Variants in DYNC2H1 observed in about 807,000 individuals in gnomAD.
The protein encoded by DYNC2H1 is dynein cytoplasmic 2 heavy chain 1, also known as cytoplasmic dynein 2 heavy chain 1.
A neutral mutation model predicts 570.0 loss-of-function variants in DYNC2H1; 410 were observed. That is an observed-to-expected ratio of 0.72 (90% CI 0.66 to 0.78). DYNC2H1 has a LOEUF of 0.78. DYNC2H1 is among the 30% of genes least tolerant of loss of function. DYNC2H1 has a pLI of 0.00. For synonymous variants in DYNC2H1, 1,688 were observed against 1,677.6 expected, an observed-to-expected ratio of 1.01 and a Z score of -0.15; for missense variants, 4,865 against 5,046.4, an observed-to-expected ratio of 0.96 and a Z score of 1.09.
At chr11:103,377,556 T>C (rs12287972) in intron 83 of DYNC2H1, among the ~76,000 whole-genome samples, 5,365 of 152,248 alleles carry the variant, frequency 0.035, 310 homozygotes, top group African/African-American at 0.12. Context: ...GGTGGAAAAC[T>C]AACCATTTAG....
At chr11:103,361,921 G>A (rs1005987898) in intron 83 of DYNC2H1, among the ~76,000 whole-genome samples, 1 of 152,146 alleles carries the variant, frequency 6.6e-6, no homozygotes, top group Non-Finnish European at 1.5e-5. Context: ...ATTGACCACT[G>A]GATATTCAGA....
At chr11:103,141,676 G>A (rs957182138) in intron 17 of DYNC2H1, among the ~76,000 whole-genome samples, 6 of 152,216 alleles carry the variant, frequency 3.9e-5, no homozygotes, top group African/African-American at 1.4e-4. Flanking sequence ...GGACCCACTT[G>A]AGGAGGCAGT....
chr11:103,422,719 A>AT (rs1943530405), intron 84 of DYNC2H1, among the ~76,000 whole-genome samples: 2 of 152,172 alleles, frequency 1.3e-5, no homozygotes, highest in Non-Finnish European at 2.9e-5. Context: ...TGACAAACCC[A>AT]TAGTGATGTA....
chr11:103,332,019 C>T (rs1204154252), intron 82 of DYNC2H1, among the ~76,000 whole-genome samples: 2 of 151,412 alleles, frequency 1.3e-5, no homozygotes, highest in Admixed American at 1.3e-4. Context: ...GAGATCGTGC[C>T]ACTGCACTCC....
Position 103,479,105 on chromosome 11 carries a change from G to T in DYNC2H1, c.12776G>T (p.Gly4259Val), listed in dbSNP as rs368203507. ...TTATTTTTTAAACAGGATGCATGTG[G>T]TCCATATTCTCCGGATGAGTGCATC... Reference protein sequence around the residue: ...FMGWIPQDACGPYSPDECISL... With the variant: ...FMGWIPQDACVPYSPDECISL... The change falls in exon 89 of 89, where the codon GGT (glycine) becomes GTT (valine). Residue 4259 changes from glycine to valine, a missense_variant. Around this residue, in one of 5 missense-constraint regions of DYNC2H1, gnomAD observed 2,401 missense variants for 2,454.6 expected, o/e 0.98. Transcript: ENST00000375735. 1.6e-5 allele frequency: 26 copies of T among 1,613,422 alleles called. No homozygotes were observed. The African/African-American group carries it at 3.5e-4, about 22-fold the overall frequency.
rs1021446274 is a variant in DYNC2H1, at chr11:103,155,601, G to A, written c.3744+100G>A. On this transcript the variant is annotated intron_variant, in intron 25 of 88. Transcript: ENST00000375735. ...AATACAAAAAAAGTCTTCCTTTAAGGGAATCAGCTTTCATCAAAAAGTAAA... is the reference window on the plus strand; with the variant it reads ...AATACAAAAAAAGTCTTCCTTTAAGAGAATCAGCTTTCATCAAAAAGTAAA... The A allele has an allele frequency of 1.1e-5, 13 of 1,173,808 alleles. No individual in the cohort carries two copies. In the Admixed American group the frequency reaches 2.1e-4, roughly 19 times the overall value. The allele number at this position is 1,173,808 out of a possible 1,614,324, so 72.7% of individuals were successfully genotyped here. A position where few individuals can be genotyped will look rare whatever the true frequency, so the allele number is the denominator to read the frequency against.
At position 103,220,796 on chromosome 11, in the gene DYNC2H1, A is replaced by G. The variant is rs769123892; in HGVS notation, c.9107+13A>G. On this transcript the variant is annotated intron_variant, in intron 57 of 88. Transcript: ENST00000375735. ...TGAGCATGAAAAGGTACATTTTTCAATTTGTGAAAAATATTATTTCGGCAA... is the reference window on the plus strand; with the variant it reads ...TGAGCATGAAAAGGTACATTTTTCAGTTTGTGAAAAATATTATTTCGGCAA... 18 of 1,592,038 alleles carry G rather than the reference A, an allele frequency of 1.1e-5. No individual in the cohort carries two copies. Among genetic ancestry groups the G allele is most frequent in the South Asian group, 4.6e-5 (4 of 86,086 alleles).
intron 83 of DYNC2H1, among the ~76,000 whole-genome samples, chr11:103,367,684 G>A (rs1385313363): frequency 1.3e-5 from 2 of 152,032 alleles, no homozygotes; most frequent in East Asian, 3.9e-4. Flanking sequence ...TCACCCTGCT[G>A]GGCAATAGAA....
rs1173786631 is a variant in DYNC2H1 at position 103,228,318 on chromosome 11, T to C, written c.9354-2942T>C. ...GGTTCCTTCTCATTTGGGTAGACTA[T>C]GTCAGAGGGAAGATCTGGGATTCAA... On this transcript the variant is annotated intron_variant, in intron 59 of 88. Coordinates refer to ENST00000375735, the MANE Select transcript of DYNC2H1 (RefSeq NM_001377.3). This position sits in a 1 kb window ranked among gnomAD's most constrained non-coding sequence, Gnocchi z 6.1. 2.0e-5 allele frequency among the ~76,000 whole-genome samples: 3 copies of C among 152,180 alleles called. No individual in the cohort carries two copies. The highest frequency in any genetic ancestry group is 4.4e-5 in the Non-Finnish European group (3 of 68,032).
chr11:103,303,278 T>C (rs747621346), intron 76 of DYNC2H1, 25 bp downstream of exon 76: 1 of 1,595,632 alleles, frequency 6.3e-7, no homozygotes, highest in Non-Finnish European at 8.5e-7. Flanking sequence ...TCCCGCTGTT[T>C]TTGTTTTTGC....
chr11:103,117,637 C>A lies in DYNC2H1; in HGVS notation c.773C>A (p.Ser258Ter). The A allele has an allele frequency of 6.3e-7, 1 of 1,588,434 alleles. No individual in the cohort carries two copies. The highest frequency in any genetic ancestry group is 8.6e-7 in the Non-Finnish European group (1 of 1,166,364). The change falls in exon 6 of 89, where the codon TCA (serine) becomes TAA (stop). Residue 258 changes from serine to a stop codon, truncating the protein, a stop_gained. Coordinates refer to ENST00000375735, the MANE Select transcript of DYNC2H1 (RefSeq NM_001377.3). LOFTEE classifies it high-confidence loss of function. Reference sequence around the variant, plus strand: ...TTGCTTTATGTTTTATTAGGTGGTTCATTTGGAAGGTTTGTTCAGAAAAAG... The same window carrying A: ...TTGCTTTATGTTTTATTAGGTGGTTAATTTGGAAGGTTTGTTCAGAAAAAG... The part of the protein sequence containing the change: ...MLHLLDIIGG[S>*]FGRFVQKKLG...
intron 83 of DYNC2H1, among the ~76,000 whole-genome samples, chr11:103,382,895 T>G (rs139015644): frequency 0.01 from 1,531 of 152,348 alleles, 16 homozygotes; most frequent in Middle Eastern, 0.037. Flanking sequence ...AGAGAATTGG[T>G]AACACATGTT....
At chr11:103,255,625 C>A in intron 67 of DYNC2H1, 91 bp downstream of exon 67, 1 of 1,340,688 alleles carries the variant, frequency 7.5e-7, no homozygotes, top group South Asian at 1.6e-5. Flanking sequence ...ATAGTATCTT[C>A]AGATTTTTTT....
At chr11:103,411,622 C>T (rs967843714) in intron 84 of DYNC2H1, among the ~76,000 whole-genome samples, 2 of 150,962 alleles carry the variant, frequency 1.3e-5, no homozygotes, top group Admixed American at 1.3e-4. Flanking sequence ...AGATAAAGAA[C>T]AAAAAGGGCT....
chr11:103,150,326 A>G (rs1049965905), intron 20 of DYNC2H1, among the ~76,000 whole-genome samples: 1 of 134,358 alleles, frequency 7.4e-6, no homozygotes, highest in African/African-American at 2.6e-5. Context: ...CAGGCCAGTT[A>G]GTAGGATATT....
intron 10 of DYNC2H1, among the ~76,000 whole-genome samples, chr11:103,121,920 C>T (rs991493396): frequency 6.6e-6 from 1 of 151,784 alleles, no homozygotes; most frequent in East Asian, 1.9e-4. Flanking sequence ...CACAGTGCTC[C>T]ATGGTGGACG....
At chr11:103,357,273 G>C (rs1037881294) in intron 82 of DYNC2H1, among the ~76,000 whole-genome samples, 3 of 152,032 alleles carry the variant, frequency 2.0e-5, no homozygotes, top group African/African-American at 7.2e-5. Flanking sequence ...TGAGAATAAT[G>C]ATAAAGAAAC....
intron 47 of DYNC2H1, among the ~76,000 whole-genome samples, chr11:103,195,077 T>C (rs1248535840): frequency 6.6e-6 from 1 of 152,204 alleles, no homozygotes; most frequent in Non-Finnish European, 1.5e-5. Context: ...CAATCCTTTG[T>C]TGGATATATG....
intron 80 of DYNC2H1, among the ~76,000 whole-genome samples, chr11:103,317,198 C>G (rs991104526): frequency 3.9e-5 from 6 of 151,992 alleles, no homozygotes; most frequent in African/African-American, 1.4e-4. Context: ...ATAGTAATCT[C>G]AAACTTAAAA....
Sources: allele counts gnomAD v4.1 joint callset (sites outside exome capture counted in the v4.1 genomes callset), GRCh38; gene constraint gnomAD v4.1.1; regional missense constraint gnomAD v4.1.1; non-coding constraint Gnocchi (gnomAD v3.1); transcripts MANE v1.5; gene names NCBI Gene and HGNC (gene_info 2026-07-23, HGNC 2026-07-21).